The following ANKRD36B variants were observed in gnomAD, a reference collection of about 807,000 sequenced individuals.
ANKRD36B encodes ankyrin repeat domain-containing protein 36B.
A neutral mutation model predicts 135.7 loss-of-function variants in ANKRD36B; 37 were observed. The ratio of observed to expected loss-of-function variants is 0.27; its 90% CI spans 0.21 to 0.36. The LOEUF (loss-of-function observed/expected upper bound fraction) is 0.36, where lower values mean the gene tolerates loss of function less well. ANKRD36B is among the 10% of genes least tolerant of loss of function. ANKRD36B has a pLI of 1.00. For synonymous variants in ANKRD36B, 179 were observed against 348.1 expected (o/e 0.51, Z 5.41); for missense variants, 549 against 1,037.1 (o/e 0.53, Z 6.46).
chr2:97,587,827 C>T (rs2083125197), intron 1 of ANKRD36B, among the ~76,000 whole-genome samples: 1 of 151,848 alleles, frequency 6.6e-6, no homozygotes, highest in Admixed American at 6.5e-5. Context: ...GTATTTCATT[C>T]TTTTTTTAAC....
Position 97,557,096 on chromosome 2 carries a change from G to C in ANKRD36B, c.996+8C>G, listed in dbSNP as rs750842688. 1.3e-6 allele frequency: 2 copies of C among 1,545,060 alleles called. No individual in the cohort carries two copies. Among genetic ancestry groups the C allele is most frequent in the East Asian group, 4.9e-5 (2 of 40,832 alleles). On this transcript the variant is annotated splice_region_variant and intron_variant, in intron 11 of 43. Transcript: ENST00000359901. Reference sequence around the variant, plus strand: ...AATAATTCAAAATATAAATGAAAGAGTAACTACCTTCTGGGCCGATTGTTT... The same window carrying C: ...AATAATTCAAAATATAAATGAAAGACTAACTACCTTCTGGGCCGATTGTTT...
intron 6 of ANKRD36B, among the ~76,000 whole-genome samples, chr2:97,571,845 G>A (rs1326629999): frequency 6.6e-6 from 1 of 151,782 alleles, no homozygotes; most frequent in African/African-American, 2.4e-5. Context: ...ATCTGTTAAG[G>A]GCCGTTCTTC....
chr2:97,539,755 C>G, intron 30 of ANKRD36B: 1 of 186,496 alleles, frequency 5.4e-6, no homozygotes. Flanking sequence ...AGAATTAAAG[C>G]AAAATTATGC....
chr2:97,527,585 C>A (rs1272557031), intron 35 of ANKRD36B, among the ~76,000 whole-genome samples: 2 of 94,134 alleles, frequency 2.1e-5, no homozygotes, highest in African/African-American at 6.4e-5. Flanking sequence ...GGACTAAATG[C>A]TCCAATTAAA....
Position 97,551,290 on chromosome 2 carries a change from T to C in ANKRD36B, c.1374A>G (p.Thr458=). The stretch of plus-strand genomic sequence containing the variant: ...ATTAAATGTGTTTCGCAAAATTACC[T>C]GTCCTAGATATTTCTCCATCCTTTT... The part of the protein sequence containing the change: ...REKKDGEISR[T]VSSQKPPALK... Residue 458 remains threonine (T), a splice_region_variant and synonymous_variant, in exon 18 of 44, where the codon ACA becomes ACG. Transcript: ENST00000359901. 1 of 1,556,444 alleles carries C rather than the reference T, an allele frequency of 6.4e-7. No homozygotes were observed. Among genetic ancestry groups the C allele is most frequent in the African/African-American group, 1.4e-5 (1 of 73,634 alleles).
intron 5 of ANKRD36B, among the ~76,000 whole-genome samples, chr2:97,578,579 T>A (rs1317932516): frequency 6.6e-6 from 1 of 151,916 alleles, no homozygotes; most frequent in Non-Finnish European, 1.5e-5. Flanking sequence ...AATAACTAAT[T>A]AGAAAAATCA....
intron 30 of ANKRD36B, 103 bp downstream of exon 30, chr2:97,539,931 G>T (rs1044467224): frequency 4.0e-6 from 2 of 500,320 alleles, no homozygotes; most frequent in Middle Eastern, 9.4e-4. Flanking sequence ...CTGCAGAATC[G>T]GAATGTGCAG....
intron 6 of ANKRD36B, among the ~76,000 whole-genome samples, chr2:97,565,963 G>A (rs1357668519): frequency 1.3e-5 from 2 of 151,820 alleles, no homozygotes; most frequent in East Asian, 3.9e-4. Context: ...AGTATCACTT[G>A]AGAAGCCCAG....
intron 12 of ANKRD36B, 38 bp downstream of exon 12, chr2:97,556,899 T>C (rs2080578001): frequency 6.4e-7 from 1 of 1,555,184 alleles, no homozygotes; most frequent in Non-Finnish European, 8.7e-7. Flanking sequence ...TCTTCTGTCT[T>C]GAGTGCACAT....
At chr2:97,550,709 A>G (rs2079970074) in intron 18 of ANKRD36B, among the ~76,000 whole-genome samples, 1 of 151,902 alleles carries the variant, frequency 6.6e-6, no homozygotes, top group Non-Finnish European at 1.5e-5. Context: ...GGAGTTGCCA[A>G]AATCAAATAT....
chr2:97,536,611 G>C, intron 32 of ANKRD36B, 115 bp from the exon 33 acceptor site: 1 of 452,632 alleles, frequency 2.2e-6, no homozygotes, highest in Non-Finnish European at 4.0e-6. Context: ...AGGGTTTCAT[G>C]TTTTTCTAGT....
At chr2:97,549,030 T>A (rs1190416776) in intron 20 of ANKRD36B, among the ~76,000 whole-genome samples, 1 of 151,862 alleles carries the variant, frequency 6.6e-6, no homozygotes, top group Non-Finnish European at 1.5e-5. Flanking sequence ...TTACAACAAG[T>A]TTGCTGTCTG....
intron 18 of ANKRD36B, among the ~76,000 whole-genome samples, chr2:97,550,930 T>C (rs1406138810): frequency 6.6e-6 from 1 of 151,946 alleles, no homozygotes; most frequent in East Asian, 1.9e-4. Context: ...TGTCTGTTTT[T>C]AGCACTACGA....
intron 4 of ANKRD36B, among the ~76,000 whole-genome samples, chr2:97,579,928 C>T (rs2082508909): frequency 1.3e-5 from 2 of 152,172 alleles, no homozygotes; most frequent in African/African-American, 4.8e-5. Context: ...TTACCAAGGT[C>T]ACACATCTAG....
At chr2:97,521,622 T>C (rs1198697449) in intron 36 of ANKRD36B, among the ~76,000 whole-genome samples, 1 of 94,982 alleles carries the variant, frequency 1.1e-5, no homozygotes, top group Admixed American at 9.3e-5. Context: ...GTGCTGTCTA[T>C]GTTGGCAATC....
chr2:97,576,840 G>T (rs2082267796), intron 5 of ANKRD36B, among the ~76,000 whole-genome samples: 2 of 152,048 alleles, frequency 1.3e-5, no homozygotes, highest in South Asian at 4.1e-4. Flanking sequence ...TAATGAAGCA[G>T]CATTTTTAAC....
intron 1 of ANKRD36B, among the ~76,000 whole-genome samples, chr2:97,586,375 T>C (rs1251882202): frequency 2.7e-5 from 4 of 149,406 alleles, no homozygotes; most frequent in Non-Finnish European, 4.4e-5. Flanking sequence ...TATCTTTCAC[T>C]ATTTTCTAAC....
intron 32 of ANKRD36B, among the ~76,000 whole-genome samples, chr2:97,537,615 A>G (rs1357023674): frequency 1.0e-5 from 1 of 96,324 alleles, no homozygotes; most frequent in East Asian, 2.3e-4. Context: ...ATGCATGTGA[A>G]GTGAGTTCAC....
At chr2:97,527,906 G>A (rs2078309860) in intron 35 of ANKRD36B, among the ~76,000 whole-genome samples, 1 of 95,904 alleles carries the variant, frequency 1.0e-5, no homozygotes, top group South Asian at 2.4e-4. Context: ...CATAAGGCAA[G>A]TCCTGAGTGA....
Sources: allele counts gnomAD v4.1 joint callset (sites outside exome capture counted in the v4.1 genomes callset), GRCh38; gene constraint gnomAD v4.1.1; transcripts MANE v1.5; gene names NCBI Gene and HGNC (gene_info 2026-07-23, HGNC 2026-07-21).